The following BTNL2 variants were observed in gnomAD, a reference collection of about 807,000 sequenced individuals.
BTNL2 encodes butyrophilin like 2, also known as butyrophilin-like protein 2.
In BTNL2, 46 loss-of-function variants were observed where a neutral mutation model predicts 46.8. The ratio of observed to expected loss-of-function variants is 0.98; its 90% CI spans 0.78 to 1.26. The LOEUF (loss-of-function observed/expected upper bound fraction) is 1.26. Ranked by LOEUF, BTNL2 falls within the 50% of genes most tolerant of loss-of-function variation. The probability of loss-of-function intolerance (pLI) is 0.00; values close to 1 mark genes in which losing one functional copy is unlikely to be tolerated. For missense variants in BTNL2, 461 were observed against 592.6 expected (o/e 0.78, Z 2.31); for synonymous variants, 226 against 229.1 (o/e 0.99, Z 0.12).
Position 32,393,808 on chromosome 6 carries a change from A to T in BTNL2, c.*6+155T>A. 9.4e-7 allele frequency: 1 copy of T among 1,068,676 alleles called. No individual in the cohort carries two copies. Among genetic ancestry groups the T allele is most frequent in the Non-Finnish European group, 1.3e-6 (1 of 775,524 alleles). The allele number at this position is 1,068,676 out of a possible 1,614,324, so 66.2% of individuals were successfully genotyped here. ...TGCATCACTGAGCCTGGATTGCATG[A>T]TAAGCCCTGGGCTTTCCTGTTTCTC... On this transcript the variant is annotated intron_variant, in intron 7 of 7. Coordinates refer to ENST00000454136, the MANE Select transcript of BTNL2 (RefSeq NM_001304561.2). This position sits in a 1 kb window ranked among gnomAD's most constrained non-coding sequence, Gnocchi z 4.8.
intron 4 of BTNL2, among the ~76,000 whole-genome samples, chr6:32,401,462 T>C (rs1360113084): frequency 1.3e-5 from 2 of 152,136 alleles, no homozygotes; most frequent in Non-Finnish European, 2.9e-5. Context: ...GCCAGCTGTC[T>C]GCTGTCATCC....
At chr6:32,401,546 T>A (rs28366193) in intron 4 of BTNL2, among the ~76,000 whole-genome samples, 9,712 of 152,254 alleles carry the variant, frequency 0.064, 413 homozygotes, top group Admixed American at 0.087. Context: ...CCTATAGGTG[T>A]CCATCTGATG....
intron 4 of BTNL2, among the ~76,000 whole-genome samples, chr6:32,398,405 C>T (rs117716818): frequency 0.017 from 2,661 of 152,300 alleles, 77 homozygotes; most frequent in East Asian, 0.11. Flanking sequence ...TTCCAGGTAA[C>T]AGTTGACTCC....
At position 32,403,211 on chromosome 6, in the gene BTNL2, C is replaced by A; in HGVS notation, c.433G>T (p.Gly145Trp). ...TSLLLKVAGL[G>W]SAPSIHMEGP... ...TCCATGTGGATGCTAGGGGCAGACC[C>A]CAGACCTGCAGAGGGAAGCCACAGC... The change falls in exon 3 of 8, where the codon GGG becomes TGG. Residue 145 changes from glycine (G) to tryptophan (W), a missense_variant. Coordinates refer to ENST00000454136, the MANE Select transcript of BTNL2 (RefSeq NM_001304561.2). 3 of 1,603,928 alleles carry A rather than the reference C, an allele frequency of 1.9e-6. No homozygotes were observed. The highest frequency in any genetic ancestry group is 2.6e-6 in the Non-Finnish European group (3 of 1,175,302).
chr6:32,404,619 T>C (rs73400875), intron 2 of BTNL2, among the ~76,000 whole-genome samples: 15,871 of 152,266 alleles, frequency 0.1, 963 homozygotes, highest in East Asian at 0.2. Context: ...GGCTCATTCA[T>C]GCAGCAATTG....
chr6:32,402,952 G>A lies in BTNL2; in HGVS notation c.692C>T (p.Ser231Leu), dbSNP rs185078933. ...GCACTGACCTGGGAGGCTGATGACC[G>A]ACCCCTTCTCCTCAGTGAGGACGGG... ...HNPVLTEEKG[S>L]VISLPEKLQT... Residue 231 changes from serine (S) to leucine (L), a missense_variant, in exon 3 of 8, where the codon TCG becomes TTG. Ser to Leu is a moderately radical substitution (Grantham distance 145). Transcript: ENST00000454136. 4.0e-5 allele frequency: 64 copies of A among 1,612,824 alleles called. No homozygotes were observed. Among genetic ancestry groups the A allele is most frequent in the South Asian group, 1.9e-4 (17 of 91,034 alleles).
chr6:32,402,594 A>G (rs61496633), intron 3 of BTNL2, among the ~76,000 whole-genome samples: 2,657 of 152,272 alleles, frequency 0.017, 76 homozygotes, highest in East Asian at 0.11. Flanking sequence ...TTATCTTCAT[A>G]TGATAGATTT....
intron 1 of BTNL2, chr6:32,405,635 C>T (rs1016038757): frequency 1.2e-5 from 4 of 320,944 alleles, no homozygotes; most frequent in Non-Finnish European, 2.4e-5. Context: ...TGTTTTTATT[C>T]TCAAGTAAAT....
chr6:32,395,027 TG>T lies in BTNL2; in HGVS notation c.1079-3del. On this transcript the variant is annotated splice_region_variant and splice_polypyrimidine_tract_variant and intron_variant, in intron 5 of 7. Transcript: ENST00000454136. ...TGATCAGTGGGGAAGAACCCAGACC[TG>T]GGGCAGAGAAAGCAACCAAAGCCTG... 1 of 1,553,762 alleles carries T rather than the reference TG, an allele frequency of 6.4e-7. No individual in the cohort carries two copies.
At chr6:32,404,391 G>T (rs116483918) in intron 2 of BTNL2, among the ~76,000 whole-genome samples, 3,688 of 151,242 alleles carry the variant, frequency 0.024, 83 homozygotes, top group Middle Eastern at 0.061. Flanking sequence ...CATTCACAGA[G>T]GGTGTGTCCA....
chr6:32,401,362 A>G (rs184119986), intron 4 of BTNL2, among the ~76,000 whole-genome samples: 2,613 of 151,790 alleles, frequency 0.017, 74 homozygotes, highest in East Asian at 0.11. Context: ...AGCAGAGTTG[A>G]GCAGGGAGGT....
At position 32,403,103 on chromosome 6, in the gene BTNL2, G is replaced by A. The variant is rs771818649; in HGVS notation, c.541C>T (p.Arg181Trp). The change falls in exon 3 of 8, where the codon CGG becomes TGG. Residue 181 changes from arginine (R) to tryptophan (W), a missense_variant. Coordinates refer to ENST00000454136, the MANE Select transcript of BTNL2 (RefSeq NM_001304561.2). ...GACACGGCCAGCAGCTTCTCTCCCCGGATGTCTTCCCAATACACCTGGGGC... is the reference window on the plus strand; with the variant it reads ...GACACGGCCAGCAGCTTCTCTCCCCAGATGTCTTCCCAATACACCTGGGGC... ...PEPQVYWEDIRGEKLLAVSEH... is the reference protein window; with the variant it reads ...PEPQVYWEDIWGEKLLAVSEH... The A allele has an allele frequency of 4.5e-5, 72 of 1,612,708 alleles. No individual in the cohort carries two copies. The South Asian group carries it at 6.6e-4, about 15-fold the overall frequency.
intron 1 of BTNL2, among the ~76,000 whole-genome samples, chr6:32,405,807 G>GTTTTTTTTTTTT (rs56858224): frequency 3.1e-5 from 4 of 127,798 alleles, no homozygotes; most frequent in Non-Finnish European, 3.6e-5. Context: ...TATAAAAACT[G>GTTTTTTTTTTTT]TTTTTTTTTT....
Position 32,407,031 on chromosome 6 carries a change from G to A in BTNL2, c.79+14C>T. 1.2e-6 allele frequency: 2 copies of A among 1,610,980 alleles called. No individual in the cohort carries two copies. Among genetic ancestry groups the A allele is most frequent in the Non-Finnish European group, 1.7e-6 (2 of 1,178,312 alleles). On this transcript the variant is annotated intron_variant, in intron 1 of 7. Transcript: ENST00000454136. ...GACATTAGACTATACAGTAAAGGGAGAAGGGAATCCTACCTGACTGCTTCA... is the reference window on the plus strand; with the variant it reads ...GACATTAGACTATACAGTAAAGGGAAAAGGGAATCCTACCTGACTGCTTCA...
intron 2 of BTNL2, among the ~76,000 whole-genome samples, chr6:32,404,635 C>G (rs557786622): frequency 2.0e-5 from 3 of 152,342 alleles, no homozygotes; most frequent in African/African-American, 4.8e-5. Flanking sequence ...AATTGGTTTG[C>G]TCTTGCGCAC....
chr6:32,398,355 C>A (rs115653843), intron 4 of BTNL2, among the ~76,000 whole-genome samples: 2,671 of 152,240 alleles, frequency 0.018, 79 homozygotes, highest in East Asian at 0.11. Context: ...GAGGAAAGTC[C>A]CTGTCAACAC....
In BTNL2 at chr6:32,394,968, G is replaced by T. The variant is rs28362678; in HGVS notation, c.1136C>A (p.Pro379Gln). The T allele has an allele frequency of 6.2e-7, 1 of 1,613,042 alleles. No individual in the cohort carries two copies. The highest frequency in any genetic ancestry group is 8.5e-7 in the Non-Finnish European group (1 of 1,179,420). The change falls in exon 6 of 8, where the codon CCG becomes CAG. Residue 379 changes from proline (P) to glutamine (Q), a missense_variant. Coordinates refer to ENST00000454136, the MANE Select transcript of BTNL2 (RefSeq NM_001304561.2). This position sits in a 1 kb window ranked among gnomAD's most constrained non-coding sequence, Gnocchi z 4.6. ...GAACCACCCATCTGAAGAGCACATC[G>T]GCTGCATTTCTCCATCTTCTTGCCC... ...VEGQEDGEMQ[P>Q]MCSSDGWFPQ...
At position 32,405,047 on chromosome 6, in the gene BTNL2, C is replaced by T; in HGVS notation, c.319G>A (p.Val107Met). ...WIENGIAKGN[V>M]ALKIHNIQPS... is the part of the protein sequence containing the mutation. ...TGGATGTTGTGTATCTTCAGTGCCA[C>T]ATTTCCCTTTGCAATGCCATTCTCT... The change falls in exon 2 of 8, where the codon GTG becomes ATG. Residue 107 changes from valine (V) to methionine (M), a missense_variant. Physicochemically the swap from Val to Met is conservative, Grantham distance 21. Transcript: ENST00000454136. 6.2e-7 allele frequency: 1 copy of T among 1,613,074 alleles called. No homozygotes were observed.
At chr6:32,400,760 A>ACAAAAAAAAAAAC (rs1554223850) in intron 4 of BTNL2, among the ~76,000 whole-genome samples, 1 of 115,838 alleles carries the variant, frequency 8.6e-6, no homozygotes, top group Non-Finnish European at 1.9e-5. Flanking sequence ...AAAAAAAAAA[A>ACAAAAAAAAAAAC]AAATTAGCTG....
Sources: gnomAD v4.1 joint callset for allele counts (sites outside exome capture counted in the v4.1 genomes callset) on GRCh38, gnomAD v4.1.1 for gene constraint, Gnocchi (gnomAD v3.1) non-coding constraint, MANE v1.5 for transcripts, NCBI Gene and HGNC (gene_info 2026-07-23, HGNC 2026-07-21) for gene names.